GLIS3: variants seen among roughly 807,000 people sequenced by gnomAD.
GLIS3 encodes GLIS family zinc finger 3, also known as zinc finger protein GLIS3.
GLIS3 carries 53 observed loss-of-function variants against 78.6 expected under a neutral mutation model. The ratio of observed to expected loss-of-function variants is 0.67; its 90% confidence interval spans 0.54 to 0.85. The LOEUF is 0.85. Ranked by LOEUF, GLIS3 falls within the 40% of genes least tolerant of loss-of-function variation. The pLI is 0.00. For synonymous variants in GLIS3, 684 were observed against 509.9 expected (o/e 1.34, Z -4.60); for missense variants, 1,703 against 1,231.1 (o/e 1.38, Z -5.74).
the GLIS3 span, among the ~76,000 whole-genome samples, chr9:4,384,002 G>A: frequency 6.6e-6 from 1 of 152,198 alleles, no homozygotes; most frequent in African/African-American, 2.4e-5. Flanking sequence ...CCACTTCTCA[G>A]GGAGTTTGTG....
intron 2 of GLIS3, among the ~76,000 whole-genome samples, chr9:4,254,522 G>T (rs988287701): frequency 6.6e-6 from 1 of 152,128 alleles, no homozygotes; most frequent in African/African-American, 2.4e-5. Context: ...AGGGTTAGAA[G>T]AGCTAAAACA....
intron 2 of GLIS3, among the ~76,000 whole-genome samples, chr9:4,141,761 G>C (rs973179657): frequency 6.6e-6 from 1 of 152,170 alleles, no homozygotes; most frequent in Non-Finnish European, 1.5e-5. Context: ...CAGAAAATTT[G>C]TCATTGTATA....
the GLIS3 span, among the ~76,000 whole-genome samples, chr9:4,419,467 G>A: frequency 3.9e-5 from 6 of 152,168 alleles, no homozygotes; most frequent in South Asian, 2.1e-4. Context: ...GAGCAAGAGA[G>A]AGGGAAGGGA....
chr9:4,383,527 A>T, the GLIS3 span, among the ~76,000 whole-genome samples: 1 of 152,332 alleles, frequency 6.6e-6, no homozygotes. Flanking sequence ...CTAACAAATT[A>T]AGAACAGCAT....
chr9:4,416,341 T>C, the GLIS3 span, among the ~76,000 whole-genome samples: 3 of 150,490 alleles, frequency 2.0e-5, no homozygotes, highest in Middle Eastern at 6.8e-3. Flanking sequence ...ACCTTTACAA[T>C]TTTTTGTCAA....
chr9:4,262,182 A>G lies in GLIS3; in HGVS notation c.388+23856T>C, dbSNP rs556911488. 1.1e-4 allele frequency among the ~76,000 whole-genome samples: 17 copies of G among 152,274 alleles called. No individual in the cohort carries two copies. In the South Asian group the frequency reaches 1.5e-3, roughly 13 times the overall value. On this transcript the variant is annotated intron_variant, in intron 2 of 10. Coordinates refer to ENST00000381971, the MANE Select transcript of GLIS3 (RefSeq NM_001042413.2). ...CAGTGCAAGGGGGAGAAAAAGGAAA[A>G]GGAGACGGAAAACTCTCCGGCTACC...
chr9:3,938,640 G>C (rs1826028787), intron 4 of GLIS3, among the ~76,000 whole-genome samples: 1 of 152,190 alleles, frequency 6.6e-6, no homozygotes, highest in Non-Finnish European at 1.5e-5. Context: ...TTTTGATTGA[G>C]AGTTATACAT....
intron 2 of GLIS3, among the ~76,000 whole-genome samples, chr9:4,338,373 CACACACACACACACAT>C (rs1015185506): frequency 7.9e-6 from 1 of 126,330 alleles, no homozygotes; most frequent in African/African-American, 3.2e-5. Context: ...TGTGTACACA[CACACACACACACACAT>C]ACACACACAC....
At chr9:4,478,351 T>C in the GLIS3 span, among the ~76,000 whole-genome samples, 1 of 152,272 alleles carries the variant, frequency 6.6e-6, no homozygotes, top group East Asian at 1.9e-4. Flanking sequence ...CTCAGACCTG[T>C]ATGTAATCCC....
At chr9:4,362,853 C>T in the GLIS3 span, among the ~76,000 whole-genome samples, 1 of 151,960 alleles carries the variant, frequency 6.6e-6, no homozygotes, top group Non-Finnish European at 1.5e-5. Context: ...GGGAGGCATT[C>T]AAAATGCCTA....
Position 4,163,277 on chromosome 9 carries a change from C to A in GLIS3, c.389-37336G>T, listed in dbSNP as rs145821746. 3.6e-3 allele frequency among the ~76,000 whole-genome samples: 543 copies of A among 152,356 alleles called. 6 individuals are homozygous for A. Among genetic ancestry groups the A allele is most frequent in the African/African-American group, 0.013 (520 of 41,588 alleles). On this transcript the variant is annotated intron_variant, in intron 2 of 10. Transcript: ENST00000381971. Reference sequence around the variant, plus strand: ...ACACACACACACACACACGCGCACGCGCGCACACATACCATTTCTCAAACA... The same window carrying A: ...ACACACACACACACACACGCGCACGAGCGCACACATACCATTTCTCAAACA...
At chr9:4,214,313 G>T (rs1306358346) in intron 2 of GLIS3, among the ~76,000 whole-genome samples, 1 of 152,196 alleles carries the variant, frequency 6.6e-6, no homozygotes, top group East Asian at 1.9e-4. Flanking sequence ...TGTGTCAAAC[G>T]GTTGGCCCCA....
At chr9:4,368,825 A>G in the GLIS3 span, among the ~76,000 whole-genome samples, 1 of 152,180 alleles carries the variant, frequency 6.6e-6, no homozygotes, top group Admixed American at 6.5e-5. Flanking sequence ...TCTCGTTCTA[A>G]TTCAAAGTGG....
At chr9:3,958,953 G>A (rs1470588541) in intron 4 of GLIS3, among the ~76,000 whole-genome samples, 1 of 152,218 alleles carries the variant, frequency 6.6e-6, no homozygotes, top group Non-Finnish European at 1.5e-5. Flanking sequence ...GAGAAGTCTG[G>A]ATTAATCTTC....
At chr9:4,289,110 G>A (rs569888688) in intron 1 of GLIS3, among the ~76,000 whole-genome samples, 2 of 152,300 alleles carry the variant, frequency 1.3e-5, no homozygotes, top group East Asian at 1.9e-4. Context: ...CCCTCATAGA[G>A]TGTGAATGAA....
intron 4 of GLIS3, among the ~76,000 whole-genome samples, chr9:3,956,242 G>A (rs1817105258): frequency 6.6e-6 from 1 of 151,932 alleles, no homozygotes; most frequent in Admixed American, 6.6e-5. Context: ...ACACAGCAAT[G>A]CTCTCAAATT....
chr9:4,032,332 A>G (rs1007483936), intron 4 of GLIS3, among the ~76,000 whole-genome samples: 4 of 152,224 alleles, frequency 2.6e-5, no homozygotes, highest in African/African-American at 9.6e-5. Flanking sequence ...CCAGCTAGGA[A>G]CTTTGGTCCT....
At chr9:4,317,302 G>A (rs1031949633) in intron 2 of GLIS3, among the ~76,000 whole-genome samples, 2 of 152,150 alleles carry the variant, frequency 1.3e-5, no homozygotes, top group Non-Finnish European at 2.9e-5. Context: ...CCATGCACTG[G>A]CTTCTCAGTG....
intron 2 of GLIS3, among the ~76,000 whole-genome samples, chr9:4,312,534 T>C (rs759178218): frequency 2.6e-5 from 4 of 152,268 alleles, no homozygotes; most frequent in Non-Finnish European, 4.4e-5. Context: ...TGTACATACA[T>C]GCCAATTTTG....
Sources: allele counts gnomAD v4.1 joint callset (sites outside exome capture counted in the v4.1 genomes callset), GRCh38; gene constraint gnomAD v4.1.1; transcripts MANE v1.5; gene names NCBI Gene and HGNC (gene_info 2026-07-23, HGNC 2026-07-21).